The following GUCY1A2 variants were observed in gnomAD, a reference collection of about 807,000 sequenced individuals.
GUCY1A2 encodes guanylate cyclase soluble subunit alpha-2.
Under a neutral mutation model 63.5 loss-of-function variants are expected in GUCY1A2, and 27 were observed. The observed-to-expected ratio is 0.43, with a 90% CI of 0.31 to 0.59. GUCY1A2 has a LOEUF of 0.59. Among genes scored for constraint, GUCY1A2 ranks in the 20% least tolerant of loss-of-function variants. The probability of loss-of-function intolerance (pLI) is 0.11; values close to 1 mark genes in which losing one functional copy is unlikely to be tolerated. For synonymous variants in GUCY1A2, 364 were observed against 343.5 expected (o/e 1.06, Z -0.66); for missense variants, 768 against 913.3 (o/e 0.84, Z 2.05).
At chr11:106,984,805 G>A (rs926107103) in intron 2 of GUCY1A2, among the ~76,000 whole-genome samples, 1 of 152,152 alleles carries the variant, frequency 6.6e-6, no homozygotes, top group Admixed American at 6.5e-5. Flanking sequence ...TTCAGGATAT[G>A]TGGAGAAAGA....
intron 4 of GUCY1A2, among the ~76,000 whole-genome samples, chr11:106,822,506 A>C (rs533526445): frequency 5.9e-5 from 9 of 152,050 alleles, no homozygotes; most frequent in African/African-American, 2.2e-4. Context: ...TTCGACCCTC[A>C]CCCTCCTCTC....
chr11:106,948,302 A>C (rs1359440243), intron 3 of GUCY1A2, among the ~76,000 whole-genome samples: 1 of 152,212 alleles, frequency 6.6e-6, no homozygotes, highest in Non-Finnish European at 1.5e-5. Flanking sequence ...AAATAGTAGC[A>C]GATAGAATCT....
rs76688113 is a variant in GUCY1A2, at chr11:106,790,902, G to T, written c.1693-14320C>A. 7.6e-4 allele frequency among the ~76,000 whole-genome samples: 116 copies of T among 152,222 alleles called. 1 individual carries two copies. Among genetic ancestry groups the T allele is most frequent in the African/African-American group, 2.5e-3 (104 of 41,550 alleles). On this transcript the variant is annotated intron_variant, in intron 5 of 7. Coordinates refer to ENST00000526355, the MANE Select transcript of GUCY1A2 (RefSeq NM_000855.3). The stretch of plus-strand genomic sequence containing the variant: ...ACTTTTCCCTCTCTTCTCCTTAAGC[G>T]AAAGGAAGAAGTCTCTTTTGGAGAT...
intron 4 of GUCY1A2, among the ~76,000 whole-genome samples, chr11:106,903,677 A>C (rs1372071092): frequency 2.0e-5 from 3 of 152,152 alleles, no homozygotes; most frequent in Admixed American, 2.0e-4. Context: ...TTGTCATCTA[A>C]ATAGCAAAGG....
chr11:106,795,222 T>C (rs1409709320), intron 5 of GUCY1A2, among the ~76,000 whole-genome samples: 2 of 152,146 alleles, frequency 1.3e-5, no homozygotes, highest in Non-Finnish European at 2.9e-5. Flanking sequence ...CCCTTTCCCC[T>C]ACATTTAGCT....
chr11:106,739,988 T>G (rs931409525), intron 6 of GUCY1A2, among the ~76,000 whole-genome samples: 3 of 150,160 alleles, frequency 2.0e-5, no homozygotes, highest in Non-Finnish European at 4.4e-5. Flanking sequence ...TACACCTCAT[T>G]GAGAGGCACT....
chr11:106,740,075 T>G (rs1025311759), intron 6 of GUCY1A2, among the ~76,000 whole-genome samples: 2 of 150,280 alleles, frequency 1.3e-5, no homozygotes, highest in Non-Finnish European at 1.5e-5. Context: ...CTCAGCTCAC[T>G]GCAACCTCCG....
At chr11:106,830,759 T>A (rs1011378422) in intron 4 of GUCY1A2, among the ~76,000 whole-genome samples, 3 of 152,182 alleles carry the variant, frequency 2.0e-5, no homozygotes, top group African/African-American at 7.2e-5. Flanking sequence ...CCTTTATACA[T>A]TTATCCTATT....
intron 6 of GUCY1A2, among the ~76,000 whole-genome samples, chr11:106,709,948 T>A (rs62646305): frequency 7.3e-6 from 1 of 137,296 alleles, no homozygotes; most frequent in African/African-American, 2.7e-5. Flanking sequence ...TACATGTATA[T>A]AACATATAGT....
At chr11:106,940,575 C>T (rs1860739701) in intron 3 of GUCY1A2, among the ~76,000 whole-genome samples, 1 of 152,162 alleles carries the variant, frequency 6.6e-6, no homozygotes, top group African/African-American at 2.4e-5. Flanking sequence ...CATGAACCTA[C>T]ATGATGCATT....
chr11:106,998,871 TTTG>T (rs1861575081), intron 1 of GUCY1A2, among the ~76,000 whole-genome samples: 1 of 152,202 alleles, frequency 6.6e-6, no homozygotes, highest in Non-Finnish European at 1.5e-5. Context: ...ATATTATTAT[TTTG>T]TTTTTACTTC....
At chr11:106,709,389 TTATA>T (rs1245391232) in intron 6 of GUCY1A2, among the ~76,000 whole-genome samples, 1 of 93,866 alleles carries the variant, frequency 1.1e-5, no homozygotes, top group Non-Finnish European at 1.9e-5. Context: ...ATATTATATA[TTATA>T]TAAATTATAT....
chr11:106,949,806 A>G (rs1860880830), intron 3 of GUCY1A2, among the ~76,000 whole-genome samples: 1 of 152,210 alleles, frequency 6.6e-6, no homozygotes, highest in African/African-American at 2.4e-5. Context: ...CAAACTATGG[A>G]GTTTTAGAGA....
At chr11:106,974,711 T>A (rs1861240136) in intron 3 of GUCY1A2, among the ~76,000 whole-genome samples, 1 of 152,094 alleles carries the variant, frequency 6.6e-6, no homozygotes, top group Non-Finnish European at 1.5e-5. Flanking sequence ...TTGCTCCCAT[T>A]CTGACTTAAA....
chr11:106,696,290 TG>T (rs1208952134), intron 7 of GUCY1A2, among the ~76,000 whole-genome samples: 1 of 152,194 alleles, frequency 6.6e-6, no homozygotes, highest in Non-Finnish European at 1.5e-5. Context: ...TGCAAAAGTT[TG>T]ATATGTCTAT....
rs559536274 is a variant in GUCY1A2, at chr11:106,834,089, C to T, written c.1207-23611G>A. On this transcript the variant is annotated intron_variant, in intron 4 of 7. Coordinates refer to ENST00000526355, the MANE Select transcript of GUCY1A2 (RefSeq NM_000855.3). ...TTGTGGCGAGAATATTTAAGATCTA[C>T]TTTCTTAGCCTATTTCAAATATATA... Among the ~76,000 whole-genome samples the T allele has an allele frequency of 2.6e-5, 4 of 152,026 alleles. No individual in the cohort carries two copies. The South Asian group carries it at 8.3e-4, about 31-fold the overall frequency.
intron 1 of GUCY1A2, among the ~76,000 whole-genome samples, chr11:107,016,455 C>G (rs530455500): frequency 6.6e-6 from 1 of 152,220 alleles, no homozygotes; most frequent in Non-Finnish European, 1.5e-5. Context: ...GAGGTAAAAG[C>G]CAAGGGTAGC....
At chr11:106,935,740 G>A (rs966299280) in intron 4 of GUCY1A2, among the ~76,000 whole-genome samples, 3 of 151,774 alleles carry the variant, frequency 2.0e-5, no homozygotes, top group Non-Finnish European at 2.9e-5. Flanking sequence ...CCAGCTACTC[G>A]GGAGGCTGAG....
chr11:106,766,230 TA>T (rs921202733), intron 6 of GUCY1A2, among the ~76,000 whole-genome samples: 2 of 152,070 alleles, frequency 1.3e-5, no homozygotes, highest in Non-Finnish European at 2.9e-5. Context: ...AATTCAATTG[TA>T]GGAACAGAAA....
Sources: allele counts gnomAD v4.1 joint callset (sites outside exome capture counted in the v4.1 genomes callset), GRCh38; gene constraint gnomAD v4.1.1; transcripts MANE v1.5; gene names NCBI Gene and HGNC (gene_info 2026-07-23, HGNC 2026-07-21).